Variants in SBF2 observed in about 807,000 individuals in gnomAD.
SBF2 encodes myotubularin-related protein 13.
SBF2 carries 112 observed loss-of-function variants against 225.2 expected under a neutral mutation model. The observed-to-expected ratio is 0.50, with a 90% confidence interval of 0.43 to 0.58. The LOEUF (loss-of-function observed/expected upper bound fraction) is 0.58, where lower values mean the gene tolerates loss of function less well. Among genes scored for constraint, SBF2 ranks in the 20% least tolerant of loss-of-function variants. The pLI is 0.00. For synonymous variants in SBF2, 763 were observed against 773.3 expected (o/e 0.99, Z 0.22); for missense variants, 1,996 against 2,206.2 (o/e 0.90, Z 1.91).
At chr11:9,794,908 C>A (rs1853023348) in intron 33 of SBF2, among the ~76,000 whole-genome samples, 1 of 152,026 alleles carries the variant, frequency 6.6e-6, no homozygotes, top group Non-Finnish European at 1.5e-5. Context: ...CAGTATCATA[C>A]TAGACAATTT....
At chr11:10,111,691 C>T (rs1305349783) in intron 2 of SBF2, among the ~76,000 whole-genome samples, 1 of 150,450 alleles carries the variant, frequency 6.6e-6, no homozygotes, top group Non-Finnish European at 1.5e-5. Flanking sequence ...GCCTGGCCAA[C>T]ATGGCAAAAC....
At chr11:10,038,140 C>G (rs1317143752) in intron 3 of SBF2, among the ~76,000 whole-genome samples, 2 of 151,972 alleles carry the variant, frequency 1.3e-5, no homozygotes, top group East Asian at 3.9e-4. Flanking sequence ...AATTCTTGAA[C>G]CTATAGCACA....
chr11:10,042,732 T>C, intron 3 of SBF2, 112 bp downstream of exon 3: 1 of 1,075,346 alleles, frequency 9.3e-7, no homozygotes, highest in Non-Finnish European at 1.4e-6. Context: ...TCATGCTTCT[T>C]ATGCTAGCCC....
At chr11:10,181,644 C>T (rs1230581434) in intron 2 of SBF2, among the ~76,000 whole-genome samples, 2 of 152,150 alleles carry the variant, frequency 1.3e-5, no homozygotes, top group South Asian at 2.1e-4. Context: ...CAGAAATATT[C>T]CCACCATCCT....
intron 1 of SBF2, among the ~76,000 whole-genome samples, chr11:10,263,130 C>T (rs959141289): frequency 1.3e-5 from 2 of 151,922 alleles, no homozygotes; most frequent in Admixed American, 6.6e-5. Flanking sequence ...TCTTTCTATA[C>T]CTATTGAAGG....
At chr11:10,074,913 T>C (rs943240766) in intron 2 of SBF2, among the ~76,000 whole-genome samples, 3 of 152,234 alleles carry the variant, frequency 2.0e-5, no homozygotes, top group African/African-American at 7.2e-5. Context: ...ATGTCTGGAA[T>C]GGTTAAGATA....
intron 1 of SBF2, among the ~76,000 whole-genome samples, chr11:10,212,910 A>G (rs928519892): frequency 3.3e-5 from 5 of 152,106 alleles, no homozygotes; most frequent in Middle Eastern, 3.2e-3. Context: ...TTAGCTGGGC[A>G]TGGTGGTGCA....
chr11:9,820,973 C>G (rs764681754), intron 28 of SBF2, among the ~76,000 whole-genome samples: 2 of 152,198 alleles, frequency 1.3e-5, no homozygotes, highest in Non-Finnish European at 2.9e-5. Flanking sequence ...ATTGACTATT[C>G]CCCTACCTGC....
At chr11:9,824,583 A>G (rs1854963502) in intron 28 of SBF2, among the ~76,000 whole-genome samples, 1 of 152,002 alleles carries the variant, frequency 6.6e-6, no homozygotes, top group Non-Finnish European at 1.5e-5. Context: ...AAAAAGAAAA[A>G]AAGAAAAAGA....
chr11:10,054,084 T>C (rs1017935444), intron 2 of SBF2, among the ~76,000 whole-genome samples: 3 of 152,154 alleles, frequency 2.0e-5, no homozygotes, highest in Non-Finnish European at 2.9e-5. Flanking sequence ...AAGTATATAC[T>C]TAAAAGGGAC....
chr11:10,304,503 G>A (rs140590054), exon 1 of SBF2, among the ~76,000 whole-genome samples: 140 of 152,246 alleles, frequency 9.2e-4, no homozygotes, highest in Middle Eastern at 6.8e-3. Context: ...AGCTCACCCC[G>A]AAACGCCGGG....
At chr11:10,250,403 G>A (rs1046963127) in intron 1 of SBF2, among the ~76,000 whole-genome samples, 1 of 152,170 alleles carries the variant, frequency 6.6e-6, no homozygotes, top group Non-Finnish European at 1.5e-5. Context: ...GAGTCCTTAA[G>A]GCTCTTGTTA....
intron 2 of SBF2, among the ~76,000 whole-genome samples, chr11:10,142,863 G>A (rs1388618712): frequency 6.6e-6 from 1 of 152,132 alleles, no homozygotes; most frequent in African/African-American, 2.4e-5. Flanking sequence ...TATTTTGACT[G>A]TTTTAAGACT....
At chr11:9,926,150 G>A (rs1864026553) in intron 16 of SBF2, among the ~76,000 whole-genome samples, 1 of 152,096 alleles carries the variant, frequency 6.6e-6, no homozygotes, top group Non-Finnish European at 1.5e-5. Context: ...AAGTGTTTTA[G>A]TCTCCTTGTT....
At chr11:10,119,015 C>T (rs1381571053) in intron 2 of SBF2, among the ~76,000 whole-genome samples, 1 of 151,834 alleles carries the variant, frequency 6.6e-6, no homozygotes, top group East Asian at 1.9e-4. Flanking sequence ...GAACAATCTG[C>T]TGTTCCAAGT....
chr11:9,992,918 A>G (rs1246709732), intron 11 of SBF2, 72 bp downstream of exon 11: 15 of 1,136,210 alleles, frequency 1.3e-5, no homozygotes, highest in Admixed American at 1.9e-5. Flanking sequence ...AATGGCTCGG[A>G]AAAAAAACCA....
intron 17 of SBF2, among the ~76,000 whole-genome samples, chr11:9,892,573 T>C (rs1317800133): frequency 6.6e-6 from 1 of 150,530 alleles, no homozygotes; most frequent in African/African-American, 2.4e-5. Flanking sequence ...TAATTTTTTT[T>C]TTTTAGACGG....
At chr11:9,890,356 C>T (rs1437375880) in intron 17 of SBF2, among the ~76,000 whole-genome samples, 1 of 152,138 alleles carries the variant, frequency 6.6e-6, no homozygotes, top group Non-Finnish European at 1.5e-5. Flanking sequence ...ATAAATTATA[C>T]TTCAATAATC....
chr11:10,268,961 T>C (rs1962241332), intron 1 of SBF2, among the ~76,000 whole-genome samples: 1 of 152,084 alleles, frequency 6.6e-6, no homozygotes, highest in South Asian at 2.1e-4. Flanking sequence ...CATGAAGCTA[T>C]GCAGTTTCCT....
Sources: allele counts gnomAD v4.1 joint callset (sites outside exome capture counted in the v4.1 genomes callset), GRCh38; gene constraint gnomAD v4.1.1; transcripts MANE v1.5; gene names NCBI Gene and HGNC (gene_info 2026-07-23, HGNC 2026-07-21).